The following SLC22A24 variants were observed in gnomAD, a reference collection of about 807,000 sequenced individuals.
The protein encoded by SLC22A24 is steroid transmembrane transporter SLC22A24.
SLC22A24 carries 53 observed loss-of-function variants against 49.8 expected under a neutral mutation model. The observed-to-expected ratio is 1.06, with a 90% confidence interval of 0.85 to 1.34. The LOEUF (loss-of-function observed/expected upper bound fraction) is 1.34. Among genes scored for constraint, SLC22A24 ranks in the 40% most tolerant of loss-of-function variants. The pLI is 0.00. For synonymous variants in SLC22A24, 302 were observed against 256.4 expected (o/e 1.18, Z -1.70); for missense variants, 786 against 675.9 (o/e 1.16, Z -1.81).
In SLC22A24 at chr11:63,104,207, T is replaced by A. The variant is rs1467573567; in HGVS notation, c.922A>T (p.Lys308Ter). The change falls in exon 5 of 10, where the codon AAA (lysine) becomes TAA (stop). Residue 308 changes from lysine (K) to a stop codon, truncating the protein, a stop_gained. Transcript: ENST00000612278. LOFTEE classifies it high-confidence loss of function. ...GTCAGTGTCTCTTCAGTATTCTTTT[T>A]TCCATTTATGTGTGCAACTCTTCTA... ...ELRRVAHING[K>*]KNTEETLTTE... The A allele has an allele frequency of 6.4e-7, 1 of 1,550,674 alleles. No homozygotes were observed. Among genetic ancestry groups the A allele is most frequent in the Non-Finnish European group, 8.7e-7 (1 of 1,146,894 alleles).
intron 4 of SLC22A24, among the ~76,000 whole-genome samples, chr11:63,117,164 T>C (rs2087218065): frequency 6.6e-6 from 1 of 152,222 alleles, no homozygotes; most frequent in South Asian, 2.1e-4. Context: ...TGTTGAAAAC[T>C]AGGCCTTTTA....
At chr11:63,112,111 A>G (rs1312402046) in intron 4 of SLC22A24, among the ~76,000 whole-genome samples, 4 of 151,996 alleles carry the variant, frequency 2.6e-5, no homozygotes, top group Non-Finnish European at 4.4e-5. Flanking sequence ...TTATGTACCC[A>G]GTAGTCATTC....
chr11:63,091,537 C>T (rs1327359333), intron 6 of SLC22A24, among the ~76,000 whole-genome samples: 3 of 152,198 alleles, frequency 2.0e-5, no homozygotes, highest in Non-Finnish European at 4.4e-5. Flanking sequence ...AATTCAGCAG[C>T]ACATCAAAAA....
At chr11:63,134,962 T>C (rs2087363287) in intron 1 of SLC22A24, among the ~76,000 whole-genome samples, 194 bp from the exon 2 acceptor site, 1 of 152,180 alleles carries the variant, frequency 6.6e-6, no homozygotes, top group South Asian at 2.1e-4. Context: ...TTTCAACTTT[T>C]CAAATGCATC....
rs2087434617 is a variant in SLC22A24 at position 63,143,894 on chromosome 11, C to A, written c.-115G>T. The A allele has an allele frequency of 1.1e-6, 1 of 872,952 alleles. No homozygotes were observed. 54.1% of individuals were successfully genotyped at this position (872,952 alleles called of 1,614,324 possible). A position where few individuals can be genotyped will look rare whatever the true frequency, so the allele number is the denominator to read the frequency against. On this transcript the variant is annotated 5_prime_UTR_variant, in exon 1 of 10. Coordinates refer to ENST00000612278, the MANE Select transcript of SLC22A24 (RefSeq NM_001136506.2). ...CCATAGTGCCATGTGGATCCTGACACTGCTTTCTTCTTGGTGGGCCCTGCA... is the reference window on the plus strand; with the variant it reads ...CCATAGTGCCATGTGGATCCTGACAATGCTTTCTTCTTGGTGGGCCCTGCA...
intron 5 of SLC22A24, among the ~76,000 whole-genome samples, chr11:63,101,745 C>A (rs1359564016): frequency 6.6e-6 from 1 of 151,982 alleles, no homozygotes; most frequent in Non-Finnish European, 1.5e-5. Flanking sequence ...ACATGGAGTA[C>A]TATTCAGCCA....
chr11:63,083,599 G>A, intron 6 of SLC22A24, 142 bp from the exon 7 acceptor site: 3 of 646,758 alleles, frequency 4.6e-6, no homozygotes, highest in South Asian at 2.0e-5. Flanking sequence ...TTAAAAAAGG[G>A]ATCATTCTGT....
At chr11:63,091,438 CAG>C (rs1276239982) in intron 6 of SLC22A24, among the ~76,000 whole-genome samples, 2 of 152,124 alleles carry the variant, frequency 1.3e-5, no homozygotes, top group East Asian at 3.8e-4. Flanking sequence ...CAAAAGCTGG[CAG>C]AGACACAACA....
chr11:63,093,258 A>G (rs1395535257), intron 6 of SLC22A24, among the ~76,000 whole-genome samples: 2 of 152,208 alleles, frequency 1.3e-5, no homozygotes, highest in Non-Finnish European at 1.5e-5. Flanking sequence ...AAATTAGTTC[A>G]ACCATTGTAG....
intron 9 of SLC22A24, among the ~76,000 whole-genome samples, chr11:63,080,530 C>T (rs2086953135): frequency 6.6e-6 from 1 of 152,204 alleles, no homozygotes; most frequent in Non-Finnish European, 1.5e-5. Flanking sequence ...CACCACATAA[C>T]AGGCACTCAT....
At position 63,119,063 on chromosome 11, in the gene SLC22A24, G is replaced by T; in HGVS notation, c.679C>A (p.Pro227Thr). ...ATTATTGTCATAGATCGTGACCGGG[G>T]CAATGTCCACTCTAAGCCTGGAAGA... ...TFILSLEWTL[P>T]RSRSMTIMVL... is the part of the protein sequence containing the mutation. Residue 227 changes from proline (P) to threonine (T), a missense_variant, in exon 4 of 10, where the codon CCC becomes ACC. Pro to Thr is a conservative substitution (Grantham distance 38). Transcript: ENST00000612278. 1 of 1,549,606 alleles carries T rather than the reference G, an allele frequency of 6.5e-7. No individual in the cohort carries two copies.
chr11:63,097,855 T>G (rs555490347), intron 5 of SLC22A24, among the ~76,000 whole-genome samples: 2 of 151,970 alleles, frequency 1.3e-5, no homozygotes, highest in Non-Finnish European at 2.9e-5. Context: ...CACTCATAAG[T>G]GGGAGCTGAA....
chr11:63,137,472 A>T (rs560776111), intron 1 of SLC22A24, among the ~76,000 whole-genome samples: 28 of 152,266 alleles, frequency 1.8e-4, no homozygotes, highest in African/African-American at 5.5e-4. Flanking sequence ...TCTCATGGTA[A>T]CTATCTGCTC....
intron 4 of SLC22A24, among the ~76,000 whole-genome samples, chr11:63,117,313 G>T (rs2087218865): frequency 1.3e-5 from 2 of 152,162 alleles, no homozygotes; most frequent in South Asian, 4.1e-4. Flanking sequence ...TATTCGTCAT[G>T]TGTGGCCACT....
chr11:63,131,609 A>G (rs2087336000), intron 2 of SLC22A24, among the ~76,000 whole-genome samples: 1 of 152,216 alleles, frequency 6.6e-6, no homozygotes, highest in East Asian at 1.9e-4. Flanking sequence ...ATTGGCCCCC[A>G]ATCTTTTCTG....
At chr11:63,108,515 T>C (rs2087138107) in intron 4 of SLC22A24, among the ~76,000 whole-genome samples, 3 of 152,128 alleles carry the variant, frequency 2.0e-5, no homozygotes, top group African/African-American at 4.8e-5. Flanking sequence ...TGGTATCAGC[T>C]CTCTTTGTAC....
intron 4 of SLC22A24, among the ~76,000 whole-genome samples, chr11:63,108,779 T>A (rs758916003): frequency 4.0e-5 from 6 of 151,066 alleles, no homozygotes; most frequent in Non-Finnish European, 8.8e-5. Flanking sequence ...AGTGGTGATA[T>A]CCCCTTTATC....
intron 6 of SLC22A24, among the ~76,000 whole-genome samples, chr11:63,087,024 G>GCACACACACACACACACACACA (rs1555045310): frequency 6.0e-5 from 8 of 132,626 alleles, no homozygotes; most frequent in African/African-American, 2.3e-4. Context: ...CCTGGAGGGC[G>GCACACACACACACACACACACA]CACACACACA....
rs2087180095 is a variant in SLC22A24 at position 63,113,043 on chromosome 11, T to TATATATATACACAC, written c.830+5868_830+5869insGTGTGTATATATAT. 2.8e-4 allele frequency among the ~76,000 whole-genome samples: 2 copies of TATATATATACACAC among 7,218 alleles called. 1 individual carries two copies. The highest frequency in any genetic ancestry group is 4.1e-4 in the African/African-American group (2 of 4,894). The allele number at this position is 7,218 out of a possible 152,430, so 4.7% of individuals were successfully genotyped here. On this transcript the variant is annotated intron_variant, in intron 4 of 9. Coordinates refer to ENST00000612278, the MANE Select transcript of SLC22A24 (RefSeq NM_001136506.2). ...AAAAAAAAAAAAAAAAAAATATATA[T>TATATATATACACAC]ATATATATATACATATATATATATA...
Sources: gnomAD v4.1 joint callset for allele counts (sites outside exome capture counted in the v4.1 genomes callset) on GRCh38, gnomAD v4.1.1 for gene constraint, MANE v1.5 for transcripts, NCBI Gene and HGNC (gene_info 2026-07-23, HGNC 2026-07-21) for gene names.